The following PIAS2 variants were observed in gnomAD, a reference collection of about 807,000 sequenced individuals.
The protein encoded by PIAS2 is protein inhibitor of activated STAT 2, also known as E3 SUMO-protein ligase PIAS2.
In PIAS2, 19 loss-of-function variants were observed where a neutral mutation model predicts 69.7. That is an observed-to-expected ratio of 0.27 (90% CI 0.19 to 0.40). The LOEUF is 0.40. Ranked by LOEUF, PIAS2 falls within the 10% of genes least tolerant of loss-of-function variation. The pLI is 1.00. For synonymous variants in PIAS2, 261 were observed against 263.2 expected (o/e 0.99, Z 0.08); for missense variants, 624 against 757.0 (o/e 0.82, Z 2.06).
chr18:46,854,216 A>C (rs899284504), intron 5 of PIAS2, among the ~76,000 whole-genome samples: 1 of 152,120 alleles, frequency 6.6e-6, no homozygotes. Flanking sequence ...GGCTCTGGAG[A>C]GCCCAGAGTC....
chr18:46,824,839 CAA>C (rs35873943), intron 11 of PIAS2, among the ~76,000 whole-genome samples: 1 of 91,580 alleles, frequency 1.1e-5, no homozygotes, highest in Non-Finnish European at 2.4e-5. Flanking sequence ...CCCATGTTTA[CAA>C]AAAAAAAAAA....
intron 2 of PIAS2, among the ~76,000 whole-genome samples, chr18:46,866,789 G>C (rs1368122034): frequency 6.6e-6 from 1 of 152,090 alleles, no homozygotes; most frequent in Non-Finnish European, 1.5e-5. Flanking sequence ...TGATAAACCT[G>C]AAATCTCCCT....
Position 46,821,784 on chromosome 18 carries a change from A to G in PIAS2, c.1509-712T>C, listed in dbSNP as rs554193858. 9.2e-5 allele frequency among the ~76,000 whole-genome samples: 14 copies of G among 152,362 alleles called. No homozygotes were observed. The South Asian group carries it at 2.9e-3, about 32-fold the overall frequency. On this transcript the variant is annotated intron_variant, in intron 11 of 13. Coordinates refer to ENST00000585916, the MANE Select transcript of PIAS2 (RefSeq NM_004671.5). ...GCTACCAAAAATACAAATTAAACAT[A>G]TGTAATAAATACTTCACAATTGGTA...
Position 46,828,063 on chromosome 18 carries a change from A to T in PIAS2, c.1404T>A (p.Asp468Glu), listed in dbSNP as rs1464853413. 1.9e-6 allele frequency: 3 copies of T among 1,613,838 alleles called. No homozygotes were observed. The highest frequency in any genetic ancestry group is 2.5e-6 in the Non-Finnish European group (3 of 1,179,816). Residue 468 changes from aspartate (D) to glutamate (E), a missense_variant, in exon 11 of 14, where the codon GAT (aspartate) becomes GAA (glutamate). By Grantham distance (45) the Asp-to-Glu change is conservative (BLOSUM62 2). Transcript: ENST00000585916. The stretch of plus-strand genomic sequence containing the variant: ...AGCTTTCTATTGTAAGATCAATAAC[A>T]TCTACTTTCTTCTTGCTTGCCTCAC... Reference protein sequence around the residue: ...VASEASKKKVDVIDLTIESSS... With the variant: ...VASEASKKKVEVIDLTIESSS...
At chr18:46,916,909 C>CA (rs927303076) in intron 1 of PIAS2, 1 of 985,534 alleles carries the variant, frequency 1.0e-6, no homozygotes, top group Non-Finnish European at 1.2e-6. Context: ...AGTCCTCCAC[C>CA]AAGTGAGTAG....
chr18:46,860,267 C>A (rs1018363583), intron 3 of PIAS2, among the ~76,000 whole-genome samples: 2 of 152,154 alleles, frequency 1.3e-5, no homozygotes, highest in African/African-American at 4.8e-5. Context: ...CCAGCTGATG[C>A]TAATATGCAG....
chr18:46,845,320 C>T (rs1045968296), intron 6 of PIAS2, among the ~76,000 whole-genome samples: 1 of 152,120 alleles, frequency 6.6e-6, no homozygotes, highest in Non-Finnish European at 1.5e-5. Context: ...TCCAGAGTTC[C>T]AAAGTTCTAA....
Position 46,883,000 on chromosome 18 carries a change from GA to G in PIAS2, c.499+7579del, listed in dbSNP as rs1228818883. Among the ~76,000 whole-genome samples the G allele has an allele frequency of 7.6e-5, 11 of 145,512 alleles. No individual in the cohort carries two copies. The South Asian group carries it at 1.8e-3, about 23-fold the overall frequency. ...CCAGCTATTGGGGAGGCTGCGGCAG[GA>G]AAAAAAAAATCGCTTGAACCCGGGA... is the stretch of plus-strand genomic sequence containing the variant. On this transcript the variant is annotated intron_variant, in intron 2 of 13. Transcript: ENST00000585916.
intron 1 of PIAS2, chr18:46,917,005 C>T (rs931905031): frequency 2.6e-4 from 252 of 986,628 alleles, no homozygotes; most frequent in Non-Finnish European, 2.9e-4. Context: ...GCCCTCACTG[C>T]GAACCGGGAT....
intron 3 of PIAS2, among the ~76,000 whole-genome samples, chr18:46,861,204 A>G (rs533788528): frequency 6.6e-6 from 1 of 152,248 alleles, no homozygotes; most frequent in Non-Finnish European, 1.5e-5. Flanking sequence ...GTGCCACTGC[A>G]CTCCAACCTG....
chr18:46,910,696 G>A (rs754539601), intron 1 of PIAS2, among the ~76,000 whole-genome samples: 23 of 152,288 alleles, frequency 1.5e-4, no homozygotes, highest in Non-Finnish European at 2.6e-4. Context: ...AACAAATCCC[G>A]TAGATCGTAG....
intron 8 of PIAS2, 72 bp from the exon 9 acceptor site, chr18:46,836,589 T>A: frequency 8.9e-7 from 1 of 1,120,508 alleles, no homozygotes; most frequent in Non-Finnish European, 1.3e-6. Context: ...TGGTCAGTTG[T>A]AAAAGTCGGA....
chr18:46,847,296 T>C (rs1048355428), intron 5 of PIAS2, among the ~76,000 whole-genome samples: 6 of 152,154 alleles, frequency 3.9e-5, no homozygotes, highest in African/African-American at 1.4e-4. Context: ...ATTTTTAAAA[T>C]CTGGTGAGTG....
At chr18:46,877,442 T>C (rs1187833264) in intron 2 of PIAS2, among the ~76,000 whole-genome samples, 1 of 152,104 alleles carries the variant, frequency 6.6e-6, no homozygotes, top group Non-Finnish European at 1.5e-5. Flanking sequence ...GTAAGTCACA[T>C]CTCTTCCTTA....
intron 12 of PIAS2, among the ~76,000 whole-genome samples, chr18:46,819,082 G>T (rs1277663690): frequency 2.0e-5 from 3 of 152,076 alleles, no homozygotes; most frequent in Non-Finnish European, 2.9e-5. Context: ...TTGTGTCTAT[G>T]CTACTGCTAA....
At position 46,844,036 on chromosome 18, in the gene PIAS2, T is replaced by C. The variant is rs753007764; in HGVS notation, c.1041+18A>G. ...ATAAAAAGTCAAATTCCCCAAAATGTTTTGTTGCTTTACTTACAGGGCACA... is the reference window on the plus strand; with the variant it reads ...ATAAAAAGTCAAATTCCCCAAAATGCTTTGTTGCTTTACTTACAGGGCACA... On this transcript the variant is annotated intron_variant, in intron 8 of 13. Coordinates refer to ENST00000585916, the MANE Select transcript of PIAS2 (RefSeq NM_004671.5). The C allele has an allele frequency of 2.1e-6, 3 of 1,433,514 alleles. No individual in the cohort carries two copies. The highest frequency in any genetic ancestry group is 2.8e-6 in the Non-Finnish European group (3 of 1,068,462). 88.8% of individuals were successfully genotyped at this position (1,433,514 alleles called of 1,614,324 possible). A position where few individuals can be genotyped will look rare whatever the true frequency, so the allele number is the denominator to read the frequency against.
intron 1 of PIAS2, among the ~76,000 whole-genome samples, chr18:46,911,715 T>C (rs1240737180): frequency 1.3e-5 from 2 of 152,204 alleles, no homozygotes; most frequent in South Asian, 2.1e-4. Context: ...ATTATATAAA[T>C]GCAATAAATC....
At chr18:46,916,777 C>T (rs2057973204) in intron 1 of PIAS2, 1 of 975,268 alleles carries the variant, frequency 1.0e-6, no homozygotes, top group Non-Finnish European at 1.2e-6. Flanking sequence ...TTAGGTTCCT[C>T]GAAGATGTTA....
At chr18:46,919,966 C>T, upstream of PIAS2, 2 of 798,400 alleles carry the variant, frequency 2.5e-6, no homozygotes, top group Non-Finnish European at 3.7e-6. Context: ...GAGTACAATA[C>T]AGCCCTGCCA....
Sources: allele counts gnomAD v4.1 joint callset (sites outside exome capture counted in the v4.1 genomes callset), GRCh38; gene constraint gnomAD v4.1.1; transcripts MANE v1.5; gene names NCBI Gene and HGNC (gene_info 2026-07-23, HGNC 2026-07-21).